GGA1: variants seen among roughly 807,000 people sequenced by gnomAD.
GGA1 encodes the protein golgi associated, gamma adaptin ear containing, ARF binding protein 1.
In GGA1, 18 loss-of-function variants were observed where a neutral mutation model predicts 76.9. The observed-to-expected ratio is 0.23, with a 90% CI of 0.16 to 0.35. GGA1 has a LOEUF of 0.35. Among genes scored for constraint, GGA1 ranks in the 10% least tolerant of loss-of-function variants. The pLI is 1.00. For synonymous variants in GGA1, 342 were observed against 354.7 expected, an observed-to-expected ratio of 0.96 and a Z score of 0.40; for missense variants, 755 against 859.0, an observed-to-expected ratio of 0.88 and a Z score of 1.51.
At position 37,612,981 on chromosome 22, in the gene GGA1, A is replaced by T; in HGVS notation, c.44-1209A>T. On this transcript the variant is annotated intron_variant, in intron 1 of 16. Transcript: ENST00000343632. ...TGGATTCAGTCTTCCCCAGAACCTCACCCTTTGCCTGCCCTCAGCTGACTG... is the reference window on the plus strand; with the variant it reads ...TGGATTCAGTCTTCCCCAGAACCTCTCCCTTTGCCTGCCCTCAGCTGACTG... 3.0e-6 allele frequency: 3 copies of T among 985,300 alleles called. No individual in the cohort carries two copies. In the South Asian group the frequency reaches 1.4e-4, roughly 46 times the overall value. The allele number at this position is 985,300 out of a possible 1,614,324, so 61.0% of individuals were successfully genotyped here. A position where few individuals can be genotyped will look rare whatever the true frequency, so the allele number is the denominator to read the frequency against.
Position 37,617,319 on chromosome 22 carries a change from G to C in GGA1, c.204+322G>C, listed in dbSNP as rs976495764. 3.0e-5 allele frequency: 37 copies of C among 1,247,626 alleles called. No homozygotes were observed. The Admixed American group carries it at 1.4e-3, about 48-fold the overall frequency. 77.3% of individuals were successfully genotyped at this position (1,247,626 alleles called of 1,614,324 possible). A position where few individuals can be genotyped will look rare whatever the true frequency, so the allele number is the denominator to read the frequency against. On this transcript the variant is annotated intron_variant, in intron 3 of 16. Transcript: ENST00000343632. The stretch of plus-strand genomic sequence containing the variant: ...ACACATGGAATCAGGGCTCCACCCA[G>C]ACCTGCCGAGGCCACACTCCTGGAG...
chr22:37,624,682 C>G lies in GGA1; in HGVS notation c.833-287C>G, dbSNP rs1461798502. ...GTAAGGGATGAAGCCATGCAGAGAT[C>G]TGGGGCAGCCAGAGAGCAGAGCTGG... is the stretch of plus-strand genomic sequence containing the variant. On this transcript the variant is annotated intron_variant, in intron 9 of 16. Transcript: ENST00000343632. This position sits in a 1 kb window ranked among gnomAD's most constrained non-coding sequence, Gnocchi z 4.3. 2 of 369,380 alleles carry G rather than the reference C, an allele frequency of 5.4e-6. No homozygotes were observed. Among genetic ancestry groups the G allele is most frequent in the Non-Finnish European group, 1.1e-5 (2 of 190,014 alleles). The allele number at this position is 369,380 out of a possible 1,614,324, so 22.9% of individuals were successfully genotyped here. A position where few individuals can be genotyped will look rare whatever the true frequency, so the allele number is the denominator to read the frequency against.
chr22:37,611,107 T>C (rs1185376319), intron 1 of GGA1, among the ~76,000 whole-genome samples: 1 of 152,222 alleles, frequency 6.6e-6, no homozygotes, highest in Non-Finnish European at 1.5e-5. Flanking sequence ...TTTAGACTGA[T>C]GTTCCCCAGC....
At chr22:37,618,410 C>G in intron 3 of GGA1, 38 bp from the exon 4 acceptor site, 7 of 1,280,532 alleles carry the variant, frequency 5.5e-6, no homozygotes, top group Non-Finnish European at 5.7e-6. Flanking sequence ...GCCTCTGATG[C>G]ACCTGGGCGT....
Position 37,625,941 on chromosome 22 carries a change from T to C in GGA1, c.1085T>C (p.Met362Thr). The C allele has an allele frequency of 6.3e-7, 1 of 1,592,156 alleles. No homozygotes were observed. The highest frequency in any genetic ancestry group is 1.1e-5 in the South Asian group (1 of 89,948). ...ASVSLLDDELMSLGLSDPTPP... is the reference protein window; with the variant it reads ...ASVSLLDDELTSLGLSDPTPP... ...GTTTCCCTGCTTGACGACGAGCTCA[T>C]GTCTCTGGGTGAGGAAGGGGCCAGG... The change falls in exon 11 of 17, where the codon ATG (methionine) becomes ACG (threonine). Residue 362 changes from methionine to threonine, a missense_variant. Physicochemically the swap from Met to Thr is moderately conservative, Grantham distance 81. Transcript: ENST00000343632. This position sits in a 1 kb window ranked among gnomAD's most constrained non-coding sequence, Gnocchi z 4.1.
At chr22:37,626,161 G>A in intron 11 of GGA1, 1 of 403,388 alleles carries the variant, frequency 2.5e-6, no homozygotes, top group Admixed American at 4.3e-5. Flanking sequence ...GGTGAGGCTG[G>A]CAACCTCTAA....
chr22:37,611,454 G>T (rs184062622), intron 1 of GGA1, among the ~76,000 whole-genome samples: 174 of 152,270 alleles, frequency 1.1e-3, no homozygotes, highest in African/African-American at 4.0e-3. Flanking sequence ...TGCAGTACAC[G>T]GGGTTTGTTA....
rs534002227 is a variant in GGA1, at chr22:37,616,876, C to G, written c.129-46C>G. 2.6e-6 allele frequency: 4 copies of G among 1,544,564 alleles called. No homozygotes were observed. The African/African-American group carries it at 5.5e-5, about 21-fold the overall frequency. The stretch of plus-strand genomic sequence containing the variant: ...CCTGGGGTCGTGGCCCTAGGGTGAC[C>G]GGGACTCCGTGGCGACTCTGGCTCT... On this transcript the variant is annotated intron_variant, in intron 2 of 16. Transcript: ENST00000343632.
rs368123312 is a variant in GGA1 at position 37,629,886 on chromosome 22, G to A, written c.1159-112G>A. The A allele has an allele frequency of 1.9e-4, 151 of 805,550 alleles. No individual in the cohort carries two copies. The African/African-American group carries it at 2.2e-3, about 12-fold the overall frequency. 49.9% of individuals were successfully genotyped at this position (805,550 alleles called of 1,614,324 possible). A position where few individuals can be genotyped will look rare whatever the true frequency, so the allele number is the denominator to read the frequency against. On this transcript the variant is annotated intron_variant, in intron 12 of 16. Transcript: ENST00000343632. The stretch of plus-strand genomic sequence containing the variant: ...GTGGTCTGGGGTCCCCACCTCTGTG[G>A]CTGCTTTCCCAGATGTCATTTGCAA...
intron 4 of GGA1, chr22:37,619,665 G>T (rs1261796049): frequency 1.6e-6 from 1 of 608,508 alleles, no homozygotes; most frequent in East Asian, 2.9e-5. Flanking sequence ...CGTGAGCCAT[G>T]GCCTCCGGCC....
At chr22:37,622,777 C>A (rs1487626393) in intron 7 of GGA1, among the ~76,000 whole-genome samples, 2 of 152,216 alleles carry the variant, frequency 1.3e-5, no homozygotes, top group Admixed American at 1.3e-4. Context: ...CCACTTTTCA[C>A]TCTGCAAAGG....
rs761714642 is a variant in GGA1 at position 37,623,555 on chromosome 22, C to T, written c.754C>T (p.Leu252=). 6.2e-7 allele frequency: 1 copy of T among 1,612,704 alleles called. No homozygotes were observed. The highest frequency in any genetic ancestry group is 2.2e-5 in the East Asian group (1 of 44,838). The change falls in exon 9 of 17, where the codon CTG becomes TTG. Residue 252 remains leucine, a synonymous_variant. Transcript: ENST00000343632. This position sits in a 1 kb window ranked among gnomAD's most constrained non-coding sequence, Gnocchi z 4.6. ...AGSSEDLMKE[L]YQRCERMRPT... ...CCGCCCATCCTGCTGCCCTCAGGAA[C>T]TGTACCAGCGCTGTGAGCGGATGCG...
At chr22:37,629,633 G>A (rs148382108) in intron 12 of GGA1, 107 bp downstream of exon 12, 10,207 of 650,792 alleles carry the variant, frequency 0.016, 106 homozygotes, top group Non-Finnish European at 0.021. Flanking sequence ...CTACTCAAGA[G>A]CCCAGGGCCA....
At position 37,619,886 on chromosome 22, in the gene GGA1, C is replaced by T. The variant is rs1465600557; in HGVS notation, c.304-352C>T. The T allele has an allele frequency of 4.7e-5, 35 of 748,736 alleles. No individual in the cohort carries two copies. The Admixed American group carries it at 5.5e-4, about 12-fold the overall frequency. The allele number at this position is 748,736 out of a possible 1,614,324, so 46.4% of individuals were successfully genotyped here. On this transcript the variant is annotated intron_variant, in intron 4 of 16. Coordinates refer to ENST00000343632, the MANE Select transcript of GGA1 (RefSeq NM_013365.5). Reference sequence around the variant, plus strand: ...GCCCAGGGCCTCCCAGTTCCACCCTCACCCCTCCCTGGGCAGCCTGGAGAC... The same window carrying T: ...GCCCAGGGCCTCCCAGTTCCACCCTTACCCCTCCCTGGGCAGCCTGGAGAC...
At chr22:37,612,095 G>A (rs953908100) in intron 1 of GGA1, among the ~76,000 whole-genome samples, 9 of 151,956 alleles carry the variant, frequency 5.9e-5, no homozygotes, top group Non-Finnish European at 1.0e-4. Flanking sequence ...AGCTGAGATT[G>A]CAGTGAGCCG....
chr22:37,624,741 T>G lies in GGA1; in HGVS notation c.833-228T>G, dbSNP rs1601541775. 1 of 518,428 alleles carries G rather than the reference T, an allele frequency of 1.9e-6. No individual in the cohort carries two copies. The highest frequency in any genetic ancestry group is 3.4e-6 in the Non-Finnish European group (1 of 289,964). The allele number at this position is 518,428 out of a possible 1,614,324, so 32.1% of individuals were successfully genotyped here. Reference sequence around the variant, plus strand: ...CCTGGAGGCGGGAGCGGGCCCAGTGTGTTGAGACAGCCCAGGCAGTATGGC... The same window carrying G: ...CCTGGAGGCGGGAGCGGGCCCAGTGGGTTGAGACAGCCCAGGCAGTATGGC... On this transcript the variant is annotated intron_variant, in intron 9 of 16. Transcript: ENST00000343632. This position sits in a 1 kb window ranked among gnomAD's most constrained non-coding sequence, Gnocchi z 4.3.
intron 3 of GGA1, 30 bp downstream of exon 3, chr22:37,617,027 C>T (rs767970092): frequency 2.8e-5 from 44 of 1,579,072 alleles, no homozygotes; most frequent in Non-Finnish European, 3.6e-5. Context: ...CCATCCGTCC[C>T]CCGCCATGTG....
Position 37,625,201 on chromosome 22 carries a change from T to G in GGA1, c.940+125T>G. 1.2e-6 allele frequency: 1 copy of G among 818,164 alleles called. No individual in the cohort carries two copies. The highest frequency in any genetic ancestry group is 1.9e-6 in the Non-Finnish European group (1 of 515,116). 50.7% of individuals were successfully genotyped at this position (818,164 alleles called of 1,614,324 possible). ...CCAGGGTGACCCTGGCCCCTTAAGA[T>G]GGGGAAGGCCCCAGGGAGGGAGCTG... On this transcript the variant is annotated intron_variant, in intron 10 of 16. Transcript: ENST00000343632. The surrounding 1 kb of genome is among the most constrained non-coding windows in gnomAD (Gnocchi z 4.1).
At chr22:37,616,354 C>A (rs927351613) in intron 2 of GGA1, among the ~76,000 whole-genome samples, 1 of 152,170 alleles carries the variant, frequency 6.6e-6, no homozygotes, top group African/African-American at 2.4e-5. Flanking sequence ...GTGCTGCCTG[C>A]CTTATGCAGC....
Sources: gnomAD v4.1 joint callset for allele counts (sites outside exome capture counted in the v4.1 genomes callset) on GRCh38, gnomAD v4.1.1 for gene constraint, Gnocchi (gnomAD v3.1) non-coding constraint, MANE v1.5 for transcripts, NCBI Gene and HGNC (gene_info 2026-07-23, HGNC 2026-07-21) for gene names.